The following ASIC2 variants were observed in gnomAD, a reference collection of about 807,000 sequenced individuals.
ASIC2 encodes the protein acid-sensing ion channel 2.
Under a neutral mutation model 57.3 loss-of-function variants are expected in ASIC2, and 25 were observed. The ratio of observed to expected loss-of-function variants is 0.44; its 90% CI spans 0.32 to 0.61. The LOEUF (loss-of-function observed/expected upper bound fraction) is 0.61, where lower values mean the gene tolerates loss of function less well. Ranked by LOEUF, ASIC2 falls within the 20% of genes least tolerant of loss-of-function variation. The probability of loss-of-function intolerance (pLI) is 0.06; values close to 1 mark genes in which losing one functional copy is unlikely to be tolerated. For synonymous variants in ASIC2, 319 were observed against 307.5 expected (o/e 1.04, Z -0.39); for missense variants, 641 against 738.1 (o/e 0.87, Z 1.52).
chr17:34,064,039 A>G (rs2142062671), intron 1 of ASIC2, among the ~76,000 whole-genome samples: 1 of 152,328 alleles, frequency 6.6e-6, no homozygotes, highest in Non-Finnish European at 1.5e-5. Flanking sequence ...TAAAATTCAT[A>G]TAGAACCAAA....
At chr17:33,677,725 T>A (rs574441942) in intron 1 of ASIC2, among the ~76,000 whole-genome samples, 1 of 152,312 alleles carries the variant, frequency 6.6e-6, no homozygotes, top group Admixed American at 6.5e-5. Flanking sequence ...CTGAATTGCT[T>A]CAATCTCATG....
intron 1 of ASIC2, among the ~76,000 whole-genome samples, chr17:33,809,384 G>A (rs1420994422): frequency 1.3e-5 from 2 of 152,266 alleles, no homozygotes; most frequent in Non-Finnish European, 2.9e-5. Flanking sequence ...ATCTCCCACA[G>A]TGTGGATTCA....
At chr17:33,599,709 G>A (rs1905077764) in intron 1 of ASIC2, among the ~76,000 whole-genome samples, 1 of 152,166 alleles carries the variant, frequency 6.6e-6, no homozygotes, top group Non-Finnish European at 1.5e-5. Context: ...AGCAGTGGAA[G>A]AGAAGAGGGC....
chr17:33,772,792 T>A (rs918414572), intron 1 of ASIC2, among the ~76,000 whole-genome samples: 3 of 152,204 alleles, frequency 2.0e-5, no homozygotes, highest in African/African-American at 4.8e-5. Context: ...GGGCTTCCTA[T>A]CAGTGAGGCG....
At chr17:33,273,085 A>G (rs1471255127) in intron 1 of ASIC2, among the ~76,000 whole-genome samples, 2 of 152,168 alleles carry the variant, frequency 1.3e-5, no homozygotes, top group Non-Finnish European at 2.9e-5. Flanking sequence ...GCAATGTAGG[A>G]GAAGAGATAG....
At chr17:33,476,287 T>C (rs76917765) in intron 1 of ASIC2, among the ~76,000 whole-genome samples, 18,018 of 152,122 alleles carry the variant, frequency 0.12, 1,249 homozygotes, top group African/African-American at 0.18. Flanking sequence ...TAATCAACAT[T>C]ACGCTTTTGA....
intron 1 of ASIC2, among the ~76,000 whole-genome samples, chr17:33,655,857 AAG>A (rs1465793478): frequency 3.9e-5 from 6 of 152,244 alleles, no homozygotes; most frequent in Admixed American, 2.6e-4. Context: ...ATCTATCATG[AAG>A]AGAGAGAAGT....
At chr17:33,711,718 C>T (rs111618022) in intron 1 of ASIC2, among the ~76,000 whole-genome samples, 4,579 of 152,196 alleles carry the variant, frequency 0.03, 212 homozygotes, top group African/African-American at 0.1. Flanking sequence ...TTTAAACCAT[C>T]AGATCTTATG....
In ASIC2 at chr17:33,151,289, G is replaced by T. The variant is rs142176916; in HGVS notation, c.709-39222C>A. On this transcript the variant is annotated intron_variant, in intron 1 of 9. Coordinates refer to ENST00000225823, the MANE Select transcript of ASIC2 (RefSeq NM_183377.2). ...CTCTGGAGGCTGAGGCAGAAAAATC[G>T]CTTGAACCTGGGAGGCTGAGGTTAC... is the stretch of plus-strand genomic sequence containing the variant. Among the ~76,000 whole-genome samples, 430 of 150,840 alleles carry T rather than the reference G, an allele frequency of 2.9e-3. 2 individuals carry two copies. The highest frequency in any genetic ancestry group is 0.01 in the African/African-American group (414 of 40,986).
At chr17:33,624,556 A>G (rs1905912887) in intron 1 of ASIC2, among the ~76,000 whole-genome samples, 1 of 152,214 alleles carries the variant, frequency 6.6e-6, no homozygotes, top group South Asian at 2.1e-4. Flanking sequence ...GGATTCTAGG[A>G]CAAACATACA....
intron 1 of ASIC2, among the ~76,000 whole-genome samples, chr17:33,219,454 A>T (rs899022716): frequency 2.0e-5 from 3 of 152,202 alleles, no homozygotes; most frequent in Admixed American, 1.3e-4. Flanking sequence ...CACTCTCAGC[A>T]TGTTATATCC....
intron 1 of ASIC2, among the ~76,000 whole-genome samples, chr17:33,615,518 GT>G (rs1386320161): frequency 2.6e-5 from 4 of 152,138 alleles, no homozygotes; most frequent in Non-Finnish European, 4.4e-5. Context: ...GACTTCTAAG[GT>G]TAACTTGAAG....
Position 33,521,894 on chromosome 17 carries a change from C to T in ASIC2, c.556-409827G>A, listed in dbSNP as rs2141955525. Among the ~76,000 whole-genome samples, 2 of 152,302 alleles carry T rather than the reference C, an allele frequency of 1.3e-5. 1 individual carries two copies. The highest frequency in any genetic ancestry group is 4.8e-5 in the African/African-American group (2 of 41,560). On this transcript the variant is annotated intron_variant, in intron 1 of 9. Coordinates refer to the ASIC2 transcript ENST00000359872. ...TGTTCCTCTGGGTGTGCATGGCAGG[C>T]AGGCCCCTTCCCCCATCACCTGGCA...
chr17:33,365,255 G>A (rs1908763525), intron 1 of ASIC2, among the ~76,000 whole-genome samples: 1 of 152,186 alleles, frequency 6.6e-6, no homozygotes, highest in African/African-American at 2.4e-5. Context: ...ACTCTGAAGT[G>A]TTCCTCTGTG....
At chr17:33,239,168 G>A (rs187384510) in intron 1 of ASIC2, among the ~76,000 whole-genome samples, 64 of 152,042 alleles carry the variant, frequency 4.2e-4, no homozygotes, top group Admixed American at 4.1e-3. Flanking sequence ...GCATGCGCCT[G>A]TAATCCCAGC....
chr17:33,153,804 C>T (rs1904890269), intron 1 of ASIC2, among the ~76,000 whole-genome samples: 1 of 152,116 alleles, frequency 6.6e-6, no homozygotes, highest in Admixed American at 6.6e-5. Context: ...AGATCTTGTT[C>T]CTTCCAGAGA....
intron 1 of ASIC2, among the ~76,000 whole-genome samples, chr17:33,509,222 G>A (rs1012037156): frequency 1.3e-5 from 2 of 152,116 alleles, no homozygotes; most frequent in African/African-American, 4.8e-5. Flanking sequence ...GATCACACCT[G>A]CCTAGAACTG....
intron 1 of ASIC2, among the ~76,000 whole-genome samples, chr17:33,210,470 T>A (rs1227136875): frequency 6.6e-6 from 1 of 152,120 alleles, no homozygotes; most frequent in South Asian, 2.1e-4. Context: ...TGCACTCTCA[T>A]CCCCTCCACC....
intron 1 of ASIC2, among the ~76,000 whole-genome samples, chr17:33,489,289 C>T (rs745955951): frequency 6.6e-6 from 1 of 152,164 alleles, no homozygotes; most frequent in Non-Finnish European, 1.5e-5. Context: ...ACTTCATGCT[C>T]ATGAAAACCC....
Sources: gnomAD v4.1 joint callset for allele counts (sites outside exome capture counted in the v4.1 genomes callset) on GRCh38, gnomAD v4.1.1 for gene constraint, MANE v1.5 for transcripts, NCBI Gene and HGNC (gene_info 2026-07-23, HGNC 2026-07-21) for gene names.